Variants in TTLL9 observed in about 807,000 individuals in gnomAD.
The protein encoded by TTLL9 is probable tubulin polyglutamylase TTLL9.
In TTLL9, 47 loss-of-function variants were observed where a neutral mutation model predicts 65.6. The ratio of observed to expected loss-of-function variants is 0.72; its 90% CI spans 0.57 to 0.91. The LOEUF (loss-of-function observed/expected upper bound fraction) is 0.91. TTLL9 is among the 40% of genes least tolerant of loss of function. The pLI, the probability that TTLL9 is intolerant of heterozygous loss-of-function variation, is 0.00. For synonymous variants in TTLL9, 179 were observed against 204.8 expected, an observed-to-expected ratio of 0.87 and a Z score of 1.07; for missense variants, 537 against 568.8, an observed-to-expected ratio of 0.94 and a Z score of 0.57.
intron 3 of TTLL9, among the ~76,000 whole-genome samples, chr20:31,888,040 G>A (rs1026440868): frequency 1.3e-5 from 2 of 151,198 alleles, no homozygotes; most frequent in Admixed American, 6.6e-5. Context: ...ATGCGCCACC[G>A]TGACCAGCTA....
intron 3 of TTLL9, among the ~76,000 whole-genome samples, chr20:31,896,556 GTCTC>G (rs1041185443): frequency 2.0e-5 from 3 of 151,896 alleles, no homozygotes; most frequent in African/African-American, 7.3e-5. Flanking sequence ...TTTTGAGACA[GTCTC>G]TCTCTGTCGC....
intron 3 of TTLL9, among the ~76,000 whole-genome samples, chr20:31,895,480 C>A (rs1429190831): frequency 1.3e-5 from 2 of 152,186 alleles, no homozygotes; most frequent in African/African-American, 4.8e-5. Context: ...TATTATCTGG[C>A]AAATCATGCA....
At position 31,943,113 on chromosome 20, in the gene TTLL9, G is replaced by T; in HGVS notation, c.*92G>T. On this transcript the variant is annotated 3_prime_UTR_variant, in exon 15 of 15. Coordinates refer to ENST00000535842, the MANE Select transcript of TTLL9 (RefSeq NM_001008409.5). ...CCCAGCACAGCACCTCACAGCATTCGCCTCCCCACCTCCAGCCTGGCACCA... is the reference window on the plus strand; with the variant it reads ...CCCAGCACAGCACCTCACAGCATTCTCCTCCCCACCTCCAGCCTGGCACCA... 1 of 1,211,128 alleles carries T rather than the reference G, an allele frequency of 8.3e-7. No individual in the cohort carries two copies. The allele number at this position is 1,211,128 out of a possible 1,614,324, so 75.0% of individuals were successfully genotyped here.
chr20:31,882,286 T>C (rs1388478042), intron 2 of TTLL9, among the ~76,000 whole-genome samples: 1 of 152,194 alleles, frequency 6.6e-6, no homozygotes, highest in Non-Finnish European at 1.5e-5. Flanking sequence ...CAGGCAGGAA[T>C]GAAGCTGGGA....
At chr20:31,929,571 CA>C (rs1424887254) in intron 10 of TTLL9, among the ~76,000 whole-genome samples, 1 of 151,866 alleles carries the variant, frequency 6.6e-6, no homozygotes. Flanking sequence ...TAAACATTAT[CA>C]GCAGTATTTT....
rs2063163010 is a variant in TTLL9 at position 31,884,594 on chromosome 20, C to T, written c.70-2602C>T. ...CGCTGGGCTAAAATCAAGGTGTTAG[C>T]AGGGCTGCCTTCATATCTGGAGGCT... On this transcript the variant is annotated intron_variant, in intron 2 of 14. Transcript: ENST00000535842. Among the ~76,000 whole-genome samples the T allele has an allele frequency of 2.6e-5, 4 of 152,308 alleles. No homozygotes were observed. The South Asian group carries it at 8.3e-4, about 32-fold the overall frequency.
chr20:31,895,810 C>CATTT (rs1399516271), intron 3 of TTLL9, among the ~76,000 whole-genome samples: 13 of 138,608 alleles, frequency 9.4e-5, no homozygotes, highest in East Asian at 4.1e-4. Context: ...TAAGGTTATT[C>CATTT]ATGTATTTAT....
At chr20:31,887,369 A>G in intron 3 of TTLL9, 130 bp downstream of exon 3, 1 of 1,066,470 alleles carries the variant, frequency 9.4e-7, no homozygotes, top group African/African-American at 1.6e-5. Flanking sequence ...GAGTAATGCT[A>G]AACCATTATT....
At chr20:31,878,097 C>G (rs1387322270) in intron 2 of TTLL9, among the ~76,000 whole-genome samples, 1 of 152,112 alleles carries the variant, frequency 6.6e-6, no homozygotes, top group Non-Finnish European at 1.5e-5. Context: ...AGATCTGTTT[C>G]TACATATCTT....
intron 13 of TTLL9, among the ~76,000 whole-genome samples, chr20:31,938,600 G>A (rs60484362): frequency 0.12 from 18,438 of 152,224 alleles, 1,221 homozygotes; most frequent in Middle Eastern, 0.14. Context: ...AATAGCGGCC[G>A]GGGGTGGTGG....
At chr20:31,930,761 T>G (rs2063994892) in intron 10 of TTLL9, among the ~76,000 whole-genome samples, 1 of 152,222 alleles carries the variant, frequency 6.6e-6, no homozygotes, top group Non-Finnish European at 1.5e-5. Flanking sequence ...CTAAATATTT[T>G]GCAGTGAATC....
intron 4 of TTLL9, among the ~76,000 whole-genome samples, chr20:31,905,139 C>T (rs1301949764): frequency 2.6e-5 from 4 of 152,274 alleles, no homozygotes; most frequent in South Asian, 4.1e-4. Flanking sequence ...GGCACAATCT[C>T]GGCTCACTAC....
chr20:31,937,166 C>T (rs544200853), intron 12 of TTLL9, among the ~76,000 whole-genome samples: 14 of 150,272 alleles, frequency 9.3e-5, no homozygotes, highest in South Asian at 4.2e-4. Context: ...CCCAGCACTT[C>T]GGGAGGCTAA....
Position 31,870,670 on chromosome 20 carries a change from T to G in TTLL9, c.-285T>G. ...CCCACGGCCCGCGGGACAACGGCAG[T>G]TTGTTGGGGCCGCGTGGGGCCGCCA... On this transcript the variant is annotated 5_prime_UTR_variant, in exon 1 of 15. Transcript: ENST00000535842. The surrounding 1 kb of genome is among the most constrained non-coding windows in gnomAD (Gnocchi z 6.6). 2 of 1,183,006 alleles carry G rather than the reference T, an allele frequency of 1.7e-6. No individual in the cohort carries two copies. Among genetic ancestry groups the G allele is most frequent in the Non-Finnish European group, 2.2e-6 (2 of 924,094 alleles). The allele number at this position is 1,183,006 out of a possible 1,614,324, so 73.3% of individuals were successfully genotyped here.
rs1280970346 is a variant in TTLL9 at position 31,883,471 on chromosome 20, C to G, written c.70-3725C>G. 2.6e-5 allele frequency among the ~76,000 whole-genome samples: 4 copies of G among 152,182 alleles called. No individual in the cohort carries two copies. The East Asian group carries it at 7.7e-4, about 29-fold the overall frequency. ...TCAGTCTCCCAAAGTGCTGGGATTA[C>G]AGGCCTGAGCCACTGTGCCCAGCAA... On this transcript the variant is annotated intron_variant, in intron 2 of 14. Transcript: ENST00000535842.
chr20:31,878,282 ACAT>A (rs2063064988), intron 2 of TTLL9, among the ~76,000 whole-genome samples: 1 of 152,246 alleles, frequency 6.6e-6, no homozygotes. Flanking sequence ...GTTCTGATGG[ACAT>A]CTATTTCAGA....
At chr20:31,885,850 G>T (rs1471795314) in intron 2 of TTLL9, among the ~76,000 whole-genome samples, 1 of 152,148 alleles carries the variant, frequency 6.6e-6, no homozygotes, top group African/African-American at 2.4e-5. Flanking sequence ...TAGGTGACTT[G>T]GAGAGGGGAG....
chr20:31,898,390 T>C (rs2063417238), intron 3 of TTLL9, 83 bp from the exon 4 acceptor site: 3 of 1,242,714 alleles, frequency 2.4e-6, no homozygotes, highest in Non-Finnish European at 2.3e-6. Flanking sequence ...GAACTTGACT[T>C]CTCTTCCTCC....
chr20:31,939,074 C>T, intron 13 of TTLL9, 68 bp from the exon 14 acceptor site: 1 of 1,479,820 alleles, frequency 6.8e-7, no homozygotes, highest in Non-Finnish European at 9.0e-7. Flanking sequence ...AGATCAGGGA[C>T]CTCACTTGGG....
Sources: allele counts gnomAD v4.1 joint callset (sites outside exome capture counted in the v4.1 genomes callset), GRCh38; gene constraint gnomAD v4.1.1; non-coding constraint Gnocchi (gnomAD v3.1); transcripts MANE v1.5; gene names NCBI Gene and HGNC (gene_info 2026-07-23, HGNC 2026-07-21).